The following CDH8 variants were observed in gnomAD, a reference collection of about 807,000 sequenced individuals.
The protein encoded by CDH8 is cadherin 8, also known as cadherin-8.
Under a neutral mutation model 68.1 loss-of-function variants are expected in CDH8, and 17 were observed. That is an observed-to-expected ratio of 0.25 (90% CI 0.17 to 0.37). The LOEUF (loss-of-function observed/expected upper bound fraction) is 0.37, where lower values mean the gene tolerates loss of function less well. Ranked by LOEUF, CDH8 falls within the 10% of genes least tolerant of loss-of-function variation. CDH8 has a pLI of 1.00. For synonymous variants in CDH8, 372 were observed against 365.1 expected (o/e 1.02, Z -0.21); for missense variants, 763 against 999.3 (o/e 0.76, Z 3.19).
chr16:62,024,080 C>T (rs554153038), intron 1 of CDH8, among the ~76,000 whole-genome samples: 1 of 152,096 alleles, frequency 6.6e-6, no homozygotes, highest in South Asian at 2.1e-4. Flanking sequence ...CTCAAGTGAT[C>T]TTCTCACTCC....
rs532684347 is a variant in CDH8 at position 62,012,593 on chromosome 16, T to C, written c.252+8559A>G. 4.3e-3 allele frequency among the ~76,000 whole-genome samples: 653 copies of C among 152,290 alleles called. 4 individuals carry two copies. Among genetic ancestry groups the C allele is most frequent in the Non-Finnish European group, 5.3e-3 (360 of 68,010 alleles). On this transcript the variant is annotated intron_variant, in intron 2 of 11. Transcript: ENST00000577390. Reference sequence around the variant, plus strand: ...TTGATGTTAAGATAATTGAAAAATATATTATTTTTTCTCATTTTATTAAGT... The same window carrying C: ...TTGATGTTAAGATAATTGAAAAATACATTATTTTTTCTCATTTTATTAAGT...
chr16:61,678,299 T>A (rs912393363), intron 10 of CDH8, among the ~76,000 whole-genome samples: 1 of 152,026 alleles, frequency 6.6e-6, no homozygotes, highest in Non-Finnish European at 1.5e-5. Context: ...GAGGGCTGTG[T>A]CACGGGTCAT....
At chr16:61,904,173 T>G (rs1964027077) in intron 2 of CDH8, among the ~76,000 whole-genome samples, 1 of 152,148 alleles carries the variant, frequency 6.6e-6, no homozygotes, top group Non-Finnish European at 1.5e-5. Context: ...CTTGATAATA[T>G]AAGAAAAGAC....
rs578034464 is a variant in CDH8, at chr16:61,916,468, T to C, written c.253-14995A>G. Reference sequence around the variant, plus strand: ...AGGCGGAGGTTGCAGTGAACCGAGATCATGCACCTGCACTCCAGCCTGGTC... The same window carrying C: ...AGGCGGAGGTTGCAGTGAACCGAGACCATGCACCTGCACTCCAGCCTGGTC... On this transcript the variant is annotated intron_variant, in intron 2 of 11. Coordinates refer to ENST00000577390, the MANE Select transcript of CDH8 (RefSeq NM_001796.5). 3.6e-4 allele frequency among the ~76,000 whole-genome samples: 55 copies of C among 152,094 alleles called. No individual in the cohort carries two copies. In the South Asian group the frequency reaches 0.011, roughly 32 times the overall value.
intron 2 of CDH8, among the ~76,000 whole-genome samples, chr16:61,930,006 G>A (rs1964515582): frequency 6.6e-6 from 1 of 152,142 alleles, no homozygotes; most frequent in South Asian, 2.1e-4. Flanking sequence ...CATACGCAGA[G>A]TTTGTTCTTC....
intron 1 of CDH8, among the ~76,000 whole-genome samples, chr16:62,022,667 G>A (rs566844816): frequency 1.1e-4 from 16 of 152,150 alleles, no homozygotes; most frequent in African/African-American, 2.9e-4. Flanking sequence ...GTGGCTCAGG[G>A]AATTCATAAA....
At chr16:62,029,033 C>G (rs111928705) in intron 1 of CDH8, among the ~76,000 whole-genome samples, 1,808 of 152,254 alleles carry the variant, frequency 0.012, 39 homozygotes, top group African/African-American at 0.041. Flanking sequence ...AGAGCATTGA[C>G]TCTAGAGTCA....
intron 6 of CDH8, among the ~76,000 whole-genome samples, chr16:61,818,446 G>T (rs951494253): frequency 6.6e-6 from 1 of 152,086 alleles, no homozygotes; most frequent in African/African-American, 2.4e-5. Context: ...GAAATTATGT[G>T]AGCAGTATAA....
chr16:61,977,275 T>A (rs1225722170), intron 2 of CDH8, among the ~76,000 whole-genome samples: 1 of 152,096 alleles, frequency 6.6e-6, no homozygotes, highest in Non-Finnish European at 1.5e-5. Flanking sequence ...TGCTCAAAAG[T>A]GTCTGAGTAA....
At chr16:62,006,834 C>A (rs1240946377) in intron 2 of CDH8, among the ~76,000 whole-genome samples, 1 of 151,842 alleles carries the variant, frequency 6.6e-6, no homozygotes. Context: ...GTTTTTATAC[C>A]CAAATATACT....
rs578004451 is a variant in CDH8 at position 61,949,219 on chromosome 16, G to A, written c.253-47746C>T. Among the ~76,000 whole-genome samples the A allele has an allele frequency of 1.2e-3, 178 of 152,262 alleles. 1 individual carries two copies. Among genetic ancestry groups the A allele is most frequent in the Non-Finnish European group, 1.9e-3 (127 of 68,014 alleles). The stretch of plus-strand genomic sequence containing the variant: ...CCCCTGACTCTTTGGAGTTGGGAGC[G>A]TAGAAGGCAGCTGGACTTCCTGGGT... On this transcript the variant is annotated intron_variant, in intron 2 of 11. Transcript: ENST00000577390.
chr16:61,754,803 T>C (rs955698445), intron 8 of CDH8, among the ~76,000 whole-genome samples: 1 of 152,150 alleles, frequency 6.6e-6, no homozygotes, highest in Admixed American at 6.6e-5. Context: ...GAGGGGGACA[T>C]ATGCAGGTTA....
chr16:61,992,857 T>A (rs945563562), intron 2 of CDH8, among the ~76,000 whole-genome samples: 3 of 152,032 alleles, frequency 2.0e-5, no homozygotes, highest in Non-Finnish European at 1.5e-5. Context: ...GGCACAATCA[T>A]GGCCCACTGC....
At chr16:61,807,143 T>TA (rs1220435633) in intron 7 of CDH8, among the ~76,000 whole-genome samples, 1 of 149,870 alleles carries the variant, frequency 6.7e-6, no homozygotes, top group Non-Finnish European at 1.5e-5. Context: ...TATGCAGCCA[T>TA]AAAAAATGAT....
rs199677947 is a variant in CDH8, at chr16:61,919,079, T to C, written c.253-17606A>G. Among the ~76,000 whole-genome samples, 28 of 144,260 alleles carry C rather than the reference T, an allele frequency of 1.9e-4. 2 individuals are homozygous for C. The highest frequency in any genetic ancestry group is 6.9e-4 in the South Asian group (3 of 4,336). 94.6% of individuals were successfully genotyped at this position (144,260 alleles called of 152,430 possible). On this transcript the variant is annotated intron_variant, in intron 2 of 11. Transcript: ENST00000577390. The stretch of plus-strand genomic sequence containing the variant: ...TACTGACACCTCACACGGCAGGGTA[T>C]TCCAACAGACCTGCAGCTGAGGGTC...
intron 4 of CDH8, among the ~76,000 whole-genome samples, chr16:61,839,750 T>C (rs1962644035): frequency 6.6e-6 from 1 of 152,054 alleles, no homozygotes; most frequent in Admixed American, 6.6e-5. Flanking sequence ...TTTAATGAGA[T>C]AGGGACTAAG....
chr16:61,875,667 A>C, intron 3 of CDH8, among the ~76,000 whole-genome samples: 1 of 152,238 alleles, frequency 6.6e-6, no homozygotes, highest in East Asian at 1.9e-4. Context: ...TTCCTCTCCT[A>C]TATATGCTTC....
At chr16:61,676,911 G>A (rs1225023527) in intron 10 of CDH8, among the ~76,000 whole-genome samples, 1 of 151,954 alleles carries the variant, frequency 6.6e-6, no homozygotes, top group Non-Finnish European at 1.5e-5. Flanking sequence ...GTAGGGTGAC[G>A]AAAATATTCT....
At chr16:61,768,423 T>TCTCTCTCTCTCC (rs1960688205) in intron 8 of CDH8, among the ~76,000 whole-genome samples, 1 of 139,678 alleles carries the variant, frequency 7.2e-6, no homozygotes, top group African/African-American at 2.8e-5. Context: ...TCTCTCTCTC[T>TCTCTCTCTCTCC]CTCTCCCTCT....
Sources: gnomAD v4.1 joint callset for allele counts (sites outside exome capture counted in the v4.1 genomes callset) on GRCh38, gnomAD v4.1.1 for gene constraint, MANE v1.5 for transcripts, NCBI Gene and HGNC (gene_info 2026-07-23, HGNC 2026-07-21) for gene names.